The following FRMD6 variants were observed in gnomAD, a reference collection of about 807,000 sequenced individuals.
FRMD6 encodes the protein FERM domain containing 6.
In FRMD6, 37 loss-of-function variants were observed where a neutral mutation model predicts 73.2. That is an observed-to-expected ratio of 0.51 (90% CI 0.39 to 0.66). The LOEUF (loss-of-function observed/expected upper bound fraction) is 0.66. Among genes scored for constraint, FRMD6 ranks in the 30% least tolerant of loss-of-function variants. The probability of loss-of-function intolerance (pLI) is 0.00; values close to 1 mark genes in which losing one functional copy is unlikely to be tolerated. For synonymous variants in FRMD6, 273 were observed against 282.2 expected (o/e 0.97, Z 0.33); for missense variants, 714 against 780.5 (o/e 0.91, Z 1.02).
chr14:51,712,663 T>G (rs1358870485), intron 9 of FRMD6, 112 bp downstream of exon 9: 2 of 705,074 alleles, frequency 2.8e-6, no homozygotes, highest in African/African-American at 3.6e-5. Flanking sequence ...GCACAAAAGC[T>G]GTTATTTTTA....
chr14:51,508,215 T>G (rs1176295989), intron 1 of FRMD6, among the ~76,000 whole-genome samples: 2 of 152,098 alleles, frequency 1.3e-5, no homozygotes, highest in African/African-American at 4.8e-5. Context: ...CTGTTGCTAC[T>G]CTCCATGTCC....
At chr14:51,603,687 G>A (rs1160494856) in intron 2 of FRMD6, among the ~76,000 whole-genome samples, 1 of 152,148 alleles carries the variant, frequency 6.6e-6, no homozygotes, top group Non-Finnish European at 1.5e-5. Flanking sequence ...GAGAAACCAA[G>A]ACTGCCAGTC....
chr14:51,603,558 G>GA (rs1159000195), intron 2 of FRMD6, among the ~76,000 whole-genome samples: 1 of 151,796 alleles, frequency 6.6e-6, no homozygotes, highest in African/African-American at 2.4e-5. Flanking sequence ...GAGATGGTTA[G>GA]AAAAAAATAG....
intron 1 of FRMD6, among the ~76,000 whole-genome samples, chr14:51,564,414 T>G (rs963402192): frequency 1.3e-5 from 2 of 152,110 alleles, no homozygotes; most frequent in African/African-American, 2.4e-5. Context: ...TTTAAAAGTT[T>G]TAAATGAGAT....
intron 1 of FRMD6, among the ~76,000 whole-genome samples, chr14:51,514,056 G>T (rs1203940174): frequency 1.3e-5 from 2 of 152,156 alleles, no homozygotes; most frequent in Non-Finnish European, 2.9e-5. Context: ...CTTGTGCCTG[G>T]CACATGGAAG....
chr14:51,681,741 A>C (rs933435926), intron 1 of FRMD6, among the ~76,000 whole-genome samples: 4 of 152,216 alleles, frequency 2.6e-5, no homozygotes, highest in African/African-American at 9.7e-5. Flanking sequence ...GTCAGATTAC[A>C]GTTTCTTAGC....
At chr14:51,614,112 T>G (rs1368923858) in intron 2 of FRMD6, among the ~76,000 whole-genome samples, 3 of 152,258 alleles carry the variant, frequency 2.0e-5, no homozygotes, top group East Asian at 1.9e-4. Context: ...AAAATACACA[T>G]GCACACAAAA....
chr14:51,577,651 A>G (rs920185253), intron 2 of FRMD6, among the ~76,000 whole-genome samples: 1 of 152,150 alleles, frequency 6.6e-6, no homozygotes, highest in Non-Finnish European at 1.5e-5. Flanking sequence ...CTCTGCATGG[A>G]AAGTAGGAGA....
At chr14:51,453,044 A>T in the FRMD6 span, among the ~76,000 whole-genome samples, 1 of 152,132 alleles carries the variant, frequency 6.6e-6, no homozygotes, top group East Asian at 1.9e-4. Context: ...AGGAAAAGGG[A>T]ACAAGAGAGA....
chr14:51,514,741 G>A (rs973209936), intron 1 of FRMD6, among the ~76,000 whole-genome samples: 8 of 152,038 alleles, frequency 5.3e-5, no homozygotes, highest in Admixed American at 2.0e-4. Flanking sequence ...CCAGCTACTC[G>A]GGTGGCTGAG....
At chr14:51,423,539 A>G in the FRMD6 span, among the ~76,000 whole-genome samples, 1 of 152,102 alleles carries the variant, frequency 6.6e-6, no homozygotes, top group Admixed American at 6.5e-5. Context: ...TTTTCACTTT[A>G]GAGCAACTTT....
chr14:51,528,033 T>C (rs1885361453), intron 1 of FRMD6, among the ~76,000 whole-genome samples: 1 of 152,034 alleles, frequency 6.6e-6, no homozygotes, highest in Admixed American at 6.6e-5. Context: ...TCCCAGCTAC[T>C]CCAGAGGCTG....
chr14:51,670,972 T>G (rs894572506), intron 1 of FRMD6, among the ~76,000 whole-genome samples: 1 of 152,224 alleles, frequency 6.6e-6, no homozygotes, highest in African/African-American at 2.4e-5. Context: ...CATGAACATA[T>G]GTTAAATTTT....
intron 2 of FRMD6, among the ~76,000 whole-genome samples, chr14:51,691,870 C>T (rs1895607473): frequency 6.6e-6 from 1 of 152,112 alleles, no homozygotes; most frequent in African/African-American, 2.4e-5. Flanking sequence ...GCTAGGATTA[C>T]AGGCGTGAGC....
At chr14:51,410,916 T>G in the FRMD6 span, among the ~76,000 whole-genome samples, 8 of 152,352 alleles carry the variant, frequency 5.3e-5, no homozygotes, top group Admixed American at 4.6e-4. Context: ...TGGTATACAC[T>G]GTGTGCTCAG....
the FRMD6 span, among the ~76,000 whole-genome samples, chr14:51,419,493 C>A: frequency 6.6e-6 from 1 of 152,148 alleles, no homozygotes; most frequent in South Asian, 2.1e-4. Context: ...TCTTACAGGT[C>A]ACTAGGAATT....
intron 2 of FRMD6, among the ~76,000 whole-genome samples, chr14:51,690,368 C>T (rs1321224107): frequency 6.6e-6 from 1 of 152,000 alleles, no homozygotes; most frequent in Non-Finnish European, 1.5e-5. Context: ...TTGCACCAAC[C>T]TAGATAGTTT....
chr14:51,524,801 G>A (rs974925454), intron 1 of FRMD6, among the ~76,000 whole-genome samples: 3 of 152,034 alleles, frequency 2.0e-5, no homozygotes, highest in Non-Finnish European at 4.4e-5. Flanking sequence ...CTTGTGATTG[G>A]CCAAAACTCA....
intron 1 of FRMD6, among the ~76,000 whole-genome samples, chr14:51,683,037 C>A (rs139103588): frequency 8.9e-4 from 136 of 152,298 alleles, no homozygotes; most frequent in African/African-American, 3.2e-3. Context: ...AACCCATACA[C>A]CCATACGCAC....
Sources: allele counts gnomAD v4.1 joint callset (sites outside exome capture counted in the v4.1 genomes callset), GRCh38; gene constraint gnomAD v4.1.1; transcripts MANE v1.5; gene names NCBI Gene and HGNC (gene_info 2026-07-23, HGNC 2026-07-21).